Variants in NRK observed in about 807,000 individuals in gnomAD.
NRK encodes Nik related kinase, also known as nik-related protein kinase.
In NRK, 67 loss-of-function variants were observed where a neutral mutation model predicts 125.2. That is an observed-to-expected ratio of 0.54 (90% CI 0.44 to 0.66). The LOEUF (loss-of-function observed/expected upper bound fraction) is 0.66, where lower values mean the gene tolerates loss of function less well. NRK is among the 30% of genes least tolerant of loss of function. The pLI is 0.00. For missense variants in NRK, 1,224 were observed against 1,192.9 expected (o/e 1.03, Z -0.38); for synonymous variants, 458 against 429.0 (o/e 1.07, Z -0.84).
At position 105,909,235 on chromosome X, in the gene NRK, C is replaced by A. The variant is rs1273658649; in HGVS notation, c.1594C>A (p.Gln532Lys). Residue 532 changes from glutamine to lysine, a missense_variant, in exon 13 of 29, where the codon CAG (glutamine) becomes AAG (lysine). Gln to Lys is a moderately conservative substitution (Grantham distance 53, BLOSUM62 1). Coordinates refer to ENST00000243300, the MANE Select transcript of NRK (RefSeq NM_198465.4). ...AGATCAGGTACCCGAACAACAAAGGCAGGGCCAGGCCCCTGAACAACAGCA... is the reference window on the plus strand; with the variant it reads ...AGATCAGGTACCCGAACAACAAAGGAAGGGCCAGGCCCCTGAACAACAGCA... ...GQDQVPEQQR[Q>K]GQAPEQQQRH... The A allele has an allele frequency of 2.5e-6, 3 of 1,209,596 alleles. No homozygotes were observed. The highest frequency in any genetic ancestry group is 3.4e-6 in the Non-Finnish European group (3 of 894,431).
At chrX:105,939,447 G>T (rs1160411846) in intron 22 of NRK, among the ~76,000 whole-genome samples, 1 of 111,234 alleles carries the variant, frequency 9.0e-6, no homozygotes, top group East Asian at 2.9e-4. Context: ...CCATATTGCT[G>T]TCCCTGAATA....
chrX:105,917,653 A>T lies in NRK; in HGVS notation c.2493A>T (p.Gln831His). The T allele has an allele frequency of 8.7e-7, 1 of 1,152,371 alleles. No individual in the cohort carries two copies. The highest frequency in any genetic ancestry group is 1.2e-6 in the Non-Finnish European group (1 of 859,243). The allele number at this position is 1,152,371 out of a possible 1,213,427, so 95.0% of individuals were successfully genotyped here. A position where few individuals can be genotyped will look rare whatever the true frequency, so the allele number is the denominator to read the frequency against. Reference sequence around the variant, plus strand: ...GACAAAGGAGTTCGCAAAATCGTCAAAATTGGCTGGCAGCATCAGGTGATT... The same window carrying T: ...GACAAAGGAGTTCGCAAAATCGTCATAATTGGCTGGCAGCATCAGGTGATT... The part of the protein sequence containing the change: ...DIRQRSSQNR[Q>H]NWLAASESSS... Residue 831 changes from glutamine (Q) to histidine (H), a missense_variant, in exon 16 of 29, where the codon CAA (glutamine) becomes CAT (histidine). By Grantham distance (24) the Gln-to-His change is conservative. Transcript: ENST00000243300.
chrX:105,938,292 C>A (rs1166449084), intron 22 of NRK, among the ~76,000 whole-genome samples: 1 of 111,463 alleles, frequency 9.0e-6, no homozygotes, highest in Non-Finnish European at 1.9e-5. Flanking sequence ...ATCACAGACA[C>A]TTATATGAGT....
At chrX:105,888,962 A>G (rs933079020) in intron 5 of NRK, among the ~76,000 whole-genome samples, 9 of 111,360 alleles carry the variant, frequency 8.1e-5, no homozygotes, top group African/African-American at 2.9e-4. Context: ...TCATCTCCTC[A>G]GGTTTCAGAA....
rs1429147233 is a variant in NRK at position 105,895,473 on chromosome X, A to G, written c.530A>G (p.Asp177Gly). Residue 177 changes from aspartate (D) to glycine (G), a missense_variant, in exon 7 of 29, where the codon GAC (aspartate) becomes GGC (glycine). Asp to Gly is a moderately conservative substitution (Grantham distance 94, BLOSUM62 -1). Transcript: ENST00000243300. ...HLHAHRVIHR[D>G]IKGQNVLLTH... Reference sequence around the variant, plus strand: ...CACGCACACCGAGTAATTCACCGGGACATCAAAGGTCAGAATGTGCTGCTG... The same window carrying G: ...CACGCACACCGAGTAATTCACCGGGGCATCAAAGGTCAGAATGTGCTGCTG... 8.3e-7 allele frequency: 1 copy of G among 1,206,880 alleles called. No homozygotes were observed. The highest frequency in any genetic ancestry group is 1.1e-6 in the Non-Finnish European group (1 of 890,960).
chrX:105,951,835 C>T (rs978655725), intron 27 of NRK, among the ~76,000 whole-genome samples: 1 of 112,421 alleles, frequency 8.9e-6, no homozygotes, highest in Non-Finnish European at 1.9e-5. Context: ...GAACTATGTA[C>T]TTGGACTCAG....
chrX:105,903,859 G>A (rs769878320), intron 9 of NRK, among the ~76,000 whole-genome samples: 3 of 111,911 alleles, frequency 2.7e-5, no homozygotes, highest in African/African-American at 9.7e-5. Context: ...AAGTTTAAAG[G>A]ACAGAAACTG....
chrX:105,830,953 A>G (rs1423189373), intron 1 of NRK, 101 bp from the exon 2 acceptor site: 2 of 513,228 alleles, frequency 3.9e-6, no homozygotes, highest in African/African-American at 4.8e-5. Flanking sequence ...CGTTGTGCAC[A>G]TGTACCCTAG....
chrX:105,830,537 C>T (rs1242965145), intron 1 of NRK, among the ~76,000 whole-genome samples: 1 of 109,462 alleles, frequency 9.1e-6, no homozygotes, highest in Non-Finnish European at 1.9e-5. Context: ...ATAGTCAGTT[C>T]AAGGAGATTG....
chrX:105,923,929 G>A (rs868390798), intron 18 of NRK, among the ~76,000 whole-genome samples: 25 of 49,878 alleles, frequency 5.0e-4, no homozygotes, highest in Non-Finnish European at 7.0e-4. Context: ...ATATATATGT[G>A]AAATTTAAGA....
At chrX:105,929,703 A>G (rs2040570825) in intron 19 of NRK, among the ~76,000 whole-genome samples, 1 of 110,865 alleles carries the variant, frequency 9.0e-6, no homozygotes, top group South Asian at 3.7e-4. Context: ...TCATGTTTTC[A>G]TGATAGTTGT....
At chrX:105,845,347 T>C (rs952624081) in intron 2 of NRK, among the ~76,000 whole-genome samples, 1 of 111,372 alleles carries the variant, frequency 9.0e-6, no homozygotes, top group Admixed American at 9.6e-5. Context: ...AATCTTATAT[T>C]CCAGGGCCCT....
chrX:105,948,433 G>T, intron 26 of NRK: 1 of 294,384 alleles, frequency 3.4e-6, no homozygotes, highest in Non-Finnish European at 5.9e-6. Flanking sequence ...TTCCAAGAGT[G>T]CTAGATTACA....
At chrX:105,912,885 T>C in intron 14 of NRK, 130 bp downstream of exon 14, 1 of 317,784 alleles carries the variant, frequency 3.1e-6, no homozygotes, top group Non-Finnish European at 5.7e-6. Flanking sequence ...ATTTTTTACA[T>C]GGGTTGTATC....
chrX:105,917,808 C>T (rs1048502458), intron 16 of NRK, 136 bp downstream of exon 16: 1 of 372,206 alleles, frequency 2.7e-6, no homozygotes, highest in Non-Finnish European at 4.6e-6. Flanking sequence ...GGATTAGGAC[C>T]TGAAGGCCAT....
intron 16 of NRK, among the ~76,000 whole-genome samples, chrX:105,919,149 C>T (rs1292366794): frequency 1.8e-5 from 2 of 110,317 alleles, no homozygotes; most frequent in African/African-American, 6.6e-5. Flanking sequence ...TATACTTTGG[C>T]TATGTATACC....
intron 2 of NRK, among the ~76,000 whole-genome samples, chrX:105,846,076 C>T (rs897440628): frequency 5.4e-5 from 6 of 111,345 alleles, no homozygotes; most frequent in Non-Finnish European, 1.1e-4. Flanking sequence ...ATTGATTAGT[C>T]ACTCTCCGGT....
chrX:105,877,937 C>A (rs1056276103), intron 2 of NRK, among the ~76,000 whole-genome samples: 13 of 110,830 alleles, frequency 1.2e-4, no homozygotes, highest in African/African-American at 3.9e-4. Flanking sequence ...TGATTTTAGA[C>A]TTCAAAAATT....
At chrX:105,826,230 T>TA (rs1387063935) in intron 1 of NRK, among the ~76,000 whole-genome samples, 12 of 88,693 alleles carry the variant, frequency 1.4e-4, no homozygotes, top group African/African-American at 5.0e-4. Flanking sequence ...TGATAATATA[T>TA]TATCATATAT....
Sources: allele counts gnomAD v4.1 joint callset (sites outside exome capture counted in the v4.1 genomes callset), GRCh38; gene constraint gnomAD v4.1.1; transcripts MANE v1.5; gene names NCBI Gene and HGNC (gene_info 2026-07-23, HGNC 2026-07-21).